The following ABTB3 variants were observed in gnomAD, a reference collection of about 807,000 sequenced individuals.
ABTB3 encodes the protein ankyrin repeat- and BTB/POZ domain-containing protein 3.
the ABTB3 span, among the ~76,000 whole-genome samples, chr12:107,363,732 TGTC>T: frequency 6.6e-6 from 1 of 152,226 alleles, no homozygotes; most frequent in African/African-American, 2.4e-5. Flanking sequence ...AAAAATTACA[TGTC>T]GTGATAATTT....
the ABTB3 span, among the ~76,000 whole-genome samples, chr12:107,600,920 A>G: frequency 8.5e-5 from 13 of 152,188 alleles, no homozygotes; most frequent in Non-Finnish European, 1.5e-4. Flanking sequence ...ACTTGGCAGC[A>G]AGGAAAGACC....
At chr12:107,538,442 G>A in the ABTB3 span, among the ~76,000 whole-genome samples, 4 of 152,194 alleles carry the variant, frequency 2.6e-5, no homozygotes, top group Non-Finnish European at 5.9e-5. Context: ...CTGTTGGTTT[G>A]CTGTCATCCA....
the ABTB3 span, among the ~76,000 whole-genome samples, chr12:107,580,457 G>A: frequency 1.3e-5 from 2 of 152,216 alleles, no homozygotes; most frequent in African/African-American, 4.8e-5. Flanking sequence ...AGCAGGCAGG[G>A]AACTTGAGGC....
chr12:107,459,630 A>C, the ABTB3 span, among the ~76,000 whole-genome samples: 633 of 152,346 alleles, frequency 4.2e-3, 8 homozygotes, highest in African/African-American at 0.013. Context: ...GAAGAATATT[A>C]CGGGCAGAGG....
At chr12:107,369,111 C>CT in the ABTB3 span, among the ~76,000 whole-genome samples, 14 of 152,194 alleles carry the variant, frequency 9.2e-5, no homozygotes, top group Non-Finnish European at 1.9e-4. Context: ...AATCTACCAA[C>CT]TTTTTTTTCT....
the ABTB3 span, among the ~76,000 whole-genome samples, chr12:107,523,705 C>T: frequency 6.6e-6 from 1 of 152,160 alleles, no homozygotes; most frequent in African/African-American, 2.4e-5. Context: ...GAAATATCTA[C>T]ATTTTAATAC....
At chr12:107,484,295 G>C in the ABTB3 span, among the ~76,000 whole-genome samples, 4 of 152,246 alleles carry the variant, frequency 2.6e-5, no homozygotes, top group African/African-American at 9.6e-5. Context: ...CCTCTGAAAA[G>C]GTGGCATTTG....
the ABTB3 span, among the ~76,000 whole-genome samples, chr12:107,439,894 C>T: frequency 6.6e-6 from 1 of 152,152 alleles, no homozygotes; most frequent in Admixed American, 6.5e-5. Flanking sequence ...AAAGAGTGAG[C>T]TTTTTAAATG....
At chr12:107,497,729 C>T in the ABTB3 span, among the ~76,000 whole-genome samples, 1 of 152,162 alleles carries the variant, frequency 6.6e-6, no homozygotes, top group African/African-American at 2.4e-5. Context: ...GTCAGAAAAT[C>T]GATGTTCTTA....
the ABTB3 span, among the ~76,000 whole-genome samples, chr12:107,632,307 G>A: frequency 1.3e-5 from 2 of 152,196 alleles, no homozygotes; most frequent in Non-Finnish European, 2.9e-5. Flanking sequence ...CCAGGAAATG[G>A]GTTCTTATTG....
chr12:107,469,932 CTCTTTCTT>C, the ABTB3 span, among the ~76,000 whole-genome samples: 242 of 79,162 alleles, frequency 3.1e-3, 19 homozygotes, highest in African/African-American at 0.013. Flanking sequence ...CTCTCTCTCT[CTCTTTCTT>C]TCTCTTTCTT....
the ABTB3 span, among the ~76,000 whole-genome samples, chr12:107,556,779 G>A: frequency 6.6e-6 from 1 of 152,088 alleles, no homozygotes; most frequent in Non-Finnish European, 1.5e-5. Context: ...GGGAGGCTAA[G>A]GTGGGTGGAT....
At chr12:107,655,312 T>G in the ABTB3 span, among the ~76,000 whole-genome samples, 3 of 152,056 alleles carry the variant, frequency 2.0e-5, no homozygotes, top group African/African-American at 7.3e-5. Flanking sequence ...GGGCTTTGGC[T>G]TTTACAGACA....
At chr12:107,652,491 G>A in the ABTB3 span, among the ~76,000 whole-genome samples, 4 of 152,292 alleles carry the variant, frequency 2.6e-5, no homozygotes, top group African/African-American at 9.6e-5. Flanking sequence ...TTCTCAGATG[G>A]GGCCAAGATT....
the ABTB3 span, among the ~76,000 whole-genome samples, chr12:107,432,427 C>A: frequency 6.6e-6 from 1 of 152,234 alleles, no homozygotes; most frequent in Non-Finnish European, 1.5e-5. Flanking sequence ...AAACCAACCT[C>A]CCTTCTCTAC....
chr12:107,516,771 G>A, the ABTB3 span, among the ~76,000 whole-genome samples: 1 of 152,158 alleles, frequency 6.6e-6, no homozygotes, highest in South Asian at 2.1e-4. Flanking sequence ...GTTCAGGCAG[G>A]GTGAGGAGTG....
the ABTB3 span, among the ~76,000 whole-genome samples, chr12:107,454,043 G>T: frequency 6.6e-6 from 1 of 152,256 alleles, no homozygotes; most frequent in Non-Finnish European, 1.5e-5. Context: ...GTCTGCAAAA[G>T]TCTTGAAGGT....
At chr12:107,610,230 G>A in the ABTB3 span, 1 of 1,614,180 alleles carries the variant, frequency 6.2e-7, no homozygotes, top group Non-Finnish European at 8.5e-7. Flanking sequence ...GCTGGATGCG[G>A]TGGCCATCGA....
the ABTB3 span, among the ~76,000 whole-genome samples, chr12:107,444,700 G>A: frequency 3.9e-5 from 6 of 152,084 alleles, no homozygotes; most frequent in South Asian, 8.3e-4. Context: ...ACTTATTGAT[G>A]TGCCCCAAGA....
Sources: allele counts gnomAD v4.1 joint callset (sites outside exome capture counted in the v4.1 genomes callset), GRCh38; gene constraint gnomAD v4.1.1; transcripts MANE v1.5; gene names NCBI Gene and HGNC (gene_info 2026-07-23, HGNC 2026-07-21).